The following GBX1 variants were observed in gnomAD, a reference collection of about 807,000 sequenced individuals.
GBX1 encodes the protein homeobox protein GBX-1.
GBX1 carries 9 observed loss-of-function variants against 22.9 expected under a neutral mutation model. That is an observed-to-expected ratio of 0.39 (90% CI 0.24 to 0.69). GBX1 has a LOEUF of 0.69. Among genes scored for constraint, GBX1 ranks in the 30% least tolerant of loss-of-function variants. The probability of loss-of-function intolerance (pLI) is 0.43; values close to 1 mark genes in which losing one functional copy is unlikely to be tolerated. For synonymous variants in GBX1, 203 were observed against 227.3 expected, an observed-to-expected ratio of 0.89 and a Z score of 0.96; for missense variants, 494 against 509.2, an observed-to-expected ratio of 0.97 and a Z score of 0.29.
intron 1 of GBX1, among the ~76,000 whole-genome samples, chr7:151,157,329 A>G (rs1030715120): frequency 1.3e-4 from 20 of 152,058 alleles, no homozygotes; most frequent in Admixed American, 6.5e-4. Context: ...AAAACACTCA[A>G]TGTTCTCTAG....
chr7:151,160,479 G>T (rs1248666016), intron 1 of GBX1, among the ~76,000 whole-genome samples: 1 of 152,128 alleles, frequency 6.6e-6, no homozygotes, highest in African/African-American at 2.4e-5. Flanking sequence ...GTATTTTCCT[G>T]TTCCTCCCAG....
chr7:151,165,419 T>G (rs1242443215), intron 1 of GBX1, among the ~76,000 whole-genome samples: 2 of 152,340 alleles, frequency 1.3e-5, no homozygotes, highest in East Asian at 3.9e-4. Context: ...TCTATATGTG[T>G]CTGGTTACAC....
At chr7:151,152,071 C>T (rs575672217) in intron 1 of GBX1, among the ~76,000 whole-genome samples, 2 of 152,250 alleles carry the variant, frequency 1.3e-5, no homozygotes, top group East Asian at 3.9e-4. Flanking sequence ...ACTATAGCTT[C>T]GTGAAAGTAG....
At chr7:151,162,839 C>T (rs1375238924) in intron 1 of GBX1, among the ~76,000 whole-genome samples, 2 of 137,248 alleles carry the variant, frequency 1.5e-5, no homozygotes, top group Non-Finnish European at 3.1e-5. Context: ...GAGTTTTGCT[C>T]GTTGCCCCCC....
rs201756310 is a variant in GBX1 at position 151,167,030 on chromosome 7, C to A, written c.519G>T (p.Glu173Asp). Residue 173 changes from glutamate to aspartate, a missense_variant, in exon 1 of 2, where the codon GAG becomes GAT. Coordinates refer to ENST00000297537, the MANE Select transcript of GBX1 (RefSeq NM_001098834.3). This position sits in a 1 kb window ranked among gnomAD's most constrained non-coding sequence, Gnocchi z 5.9. ...ACTTACCGGGCAGACTTGGAAAAGT[C>A]TCTGAGAAGTGCGGAGGCGGAGGTG... ...PPPPPPPHFS[E>D]TFPSLPAEGK... 7.9e-4 allele frequency: 1,261 copies of A among 1,603,276 alleles called. 17 individuals carry two copies. The South Asian group carries it at 0.013, about 16-fold the overall frequency.
intron 1 of GBX1, among the ~76,000 whole-genome samples, chr7:151,165,717 A>G (rs1801241649): frequency 6.6e-6 from 1 of 152,194 alleles, no homozygotes; most frequent in Non-Finnish European, 1.5e-5. Flanking sequence ...CAACAGCTGA[A>G]TCCCCAAAAG....
At position 151,166,253 on chromosome 7, in the gene GBX1, T is replaced by A. The variant is rs566137289; in HGVS notation, c.538+758A>T. On this transcript the variant is annotated intron_variant, in intron 1 of 1. Transcript: ENST00000297537. ...ACCATTCATGGAGGGTCCAGGGCCC[T>A]TGAATTATCTGTCAGCTGAATCTTA... 7.5e-4 allele frequency among the ~76,000 whole-genome samples: 114 copies of A among 152,222 alleles called. 1 individual carries two copies. Among genetic ancestry groups the A allele is most frequent in the African/African-American group, 2.6e-3 (110 of 41,536 alleles).
chr7:151,152,891 G>A (rs1191905137), intron 1 of GBX1, among the ~76,000 whole-genome samples: 1 of 152,206 alleles, frequency 6.6e-6, no homozygotes, highest in Non-Finnish European at 1.5e-5. Flanking sequence ...TTCTCTCTGA[G>A]CCTTTATAAT....
At chr7:151,158,132 T>C (rs1801155356) in intron 1 of GBX1, among the ~76,000 whole-genome samples, 1 of 152,176 alleles carries the variant, frequency 6.6e-6, no homozygotes, top group African/African-American at 2.4e-5. Context: ...CCACTATCAC[T>C]ACCAACCCGA....
In GBX1 at chr7:151,156,292, T is replaced by C. The variant is rs527957500; in HGVS notation, c.539-7150A>G. On this transcript the variant is annotated intron_variant, in intron 1 of 1. Transcript: ENST00000297537. The stretch of plus-strand genomic sequence containing the variant: ...ATCCCAACTACTCGGGAGGCTGAGG[T>C]GGGAGAGTCACTTGAACTTGAGAGC... Among the ~76,000 whole-genome samples, 5 of 132,970 alleles carry C rather than the reference T, an allele frequency of 3.8e-5. No individual in the cohort carries two copies. In the South Asian group the frequency reaches 1.2e-3, roughly 32 times the overall value. 87.2% of individuals were successfully genotyped at this position (132,970 alleles called of 152,430 possible). A position where few individuals can be genotyped will look rare whatever the true frequency, so the allele number is the denominator to read the frequency against.
At chr7:151,161,896 AC>A (rs994093557) in intron 1 of GBX1, among the ~76,000 whole-genome samples, 1 of 152,224 alleles carries the variant, frequency 6.6e-6, no homozygotes, top group Non-Finnish European at 1.5e-5. Flanking sequence ...AATCATCTGA[AC>A]CAAAACTTTT....
chr7:151,154,057 G>T (rs1048254761), intron 1 of GBX1, among the ~76,000 whole-genome samples: 1 of 152,148 alleles, frequency 6.6e-6, no homozygotes, highest in African/African-American at 2.4e-5. Flanking sequence ...GGCCAACATG[G>T]TGAAACCCTG....
intron 1 of GBX1, among the ~76,000 whole-genome samples, chr7:151,157,183 C>T (rs1374130175): frequency 6.6e-6 from 1 of 151,994 alleles, no homozygotes; most frequent in Non-Finnish European, 1.5e-5. Flanking sequence ...GTAGTCCCAG[C>T]TACTCGGGAG....
At position 151,149,191 on chromosome 7, in the gene GBX1, G is replaced by A. The variant is rs749404097; in HGVS notation, c.539-49C>T. The A allele has an allele frequency of 3.9e-6, 6 of 1,543,022 alleles. No individual in the cohort carries two copies. In the East Asian group the frequency reaches 6.7e-5, roughly 17 times the overall value. On this transcript the variant is annotated intron_variant, in intron 1 of 1. Coordinates refer to ENST00000297537, the MANE Select transcript of GBX1 (RefSeq NM_001098834.3). ...GATGGGGAGGGAGAAGCAAGAAAAA[G>A]AGAGTTTGGAGGAGGCCCATGGAAC...
intron 1 of GBX1, among the ~76,000 whole-genome samples, chr7:151,163,374 A>G (rs1019518681): frequency 6.6e-6 from 1 of 151,882 alleles, no homozygotes; most frequent in East Asian, 1.9e-4. Context: ...AGGACCCATT[A>G]TCCAATTCAA....
At position 151,148,111 on chromosome 7, in the gene GBX1, C is replaced by G. The variant is rs1444484591; in HGVS notation, c.*478G>C. Among the ~76,000 whole-genome samples, 1 of 152,142 alleles carries G rather than the reference C, an allele frequency of 6.6e-6. No individual in the cohort carries two copies. Among genetic ancestry groups the G allele is most frequent in the South Asian group, 2.1e-4 (1 of 4,828 alleles). ...GCTGAGGATTGAGGAAACAACTTTC[C>G]CAATCCCTCTCAGGGGTGCAGACAG... On this transcript the variant is annotated 3_prime_UTR_variant, in exon 2 of 2. Coordinates refer to ENST00000297537, the MANE Select transcript of GBX1 (RefSeq NM_001098834.3). The surrounding 1 kb of genome is among the most constrained non-coding windows in gnomAD (Gnocchi z 5.1).
At chr7:151,151,029 G>A (rs1341887514) in intron 1 of GBX1, among the ~76,000 whole-genome samples, 1 of 152,224 alleles carries the variant, frequency 6.6e-6, no homozygotes, top group Non-Finnish European at 1.5e-5. Flanking sequence ...ACTGCGCCCA[G>A]CTGACATTTT....
Position 151,148,896 on chromosome 7 carries a change from C to A in GBX1, c.785G>T (p.Arg262Leu), listed in dbSNP as rs780010334. The A allele has an allele frequency of 1.2e-5, 20 of 1,614,048 alleles. No individual in the cohort carries two copies. In the East Asian group the frequency reaches 3.3e-4, roughly 27 times the overall value. The change falls in exon 2 of 2, where the codon CGA becomes CTA. Residue 262 changes from arginine (R) to leucine (L), a missense_variant. This residue lies in a region of GBX1 where 124 missense variants were observed against 152.0 expected (regional missense o/e 0.82). Transcript: ENST00000297537. This position sits in a 1 kb window ranked among gnomAD's most constrained non-coding sequence, Gnocchi z 5.1. ...GCTGGTAAATGCTGTGCGGCGCCGT[C>A]GGCTTTTCCCCCCAGGAGCTGTGAC... ...AGVTAPGGKS[R>L]RRRTAFTSEQ...
In GBX1 at chr7:151,167,533, C is replaced by T; in HGVS notation, c.16G>A (p.Gly6Ser). The T allele has an allele frequency of 6.8e-7, 1 of 1,462,034 alleles. No individual in the cohort carries two copies. 90.6% of individuals were successfully genotyped at this position (1,462,034 alleles called of 1,614,324 possible). ...CCGTTGCCCCCAGGGGCGCTACCGC[C>T]TCCGGCCCGCTGCATCTTGTTCGGA... MQRAG[G>S]GSAPGGNGGG... Residue 6 changes from glycine (G) to serine (S), a missense_variant, in exon 1 of 2, where the codon GGC becomes AGC. This residue lies in a region of GBX1 where 365 missense variants were observed against 340.4 expected (regional missense o/e 1.07). Transcript: ENST00000297537. The surrounding 1 kb of genome is among the most constrained non-coding windows in gnomAD (Gnocchi z 5.9).
Sources: gnomAD v4.1 joint callset for allele counts (sites outside exome capture counted in the v4.1 genomes callset) on GRCh38, gnomAD v4.1.1 for gene constraint, gnomAD v4.1.1 regional missense constraint, Gnocchi (gnomAD v3.1) non-coding constraint, MANE v1.5 for transcripts, NCBI Gene and HGNC (gene_info 2026-07-23, HGNC 2026-07-21) for gene names.